ALG8: variants seen among roughly 807,000 people sequenced by gnomAD.
The protein encoded by ALG8 is dolichyl pyrophosphate Glc1Man9GlcNAc2 alpha-1,3-glucosyltransferase.
A neutral mutation model predicts 70.2 loss-of-function variants in ALG8; 48 were observed. That is an observed-to-expected ratio of 0.68 (90% CI 0.54 to 0.87). ALG8 has a LOEUF of 0.87. Among genes scored for constraint, ALG8 ranks in the 40% least tolerant of loss-of-function variants. The probability of loss-of-function intolerance (pLI) is 0.00; values close to 1 mark genes in which losing one functional copy is unlikely to be tolerated. For missense variants in ALG8, 572 were observed against 608.7 expected (o/e 0.94, Z 0.64); for synonymous variants, 234 against 229.0 (o/e 1.02, Z -0.20).
chr11:78,130,361 A>AAAAAAAAAAAAAAAAAAAAAAAG (rs928560857), intron 1 of ALG8, among the ~76,000 whole-genome samples: 29 of 132,694 alleles, frequency 2.2e-4, no homozygotes, highest in African/African-American at 8.2e-4. Context: ...AAAAAAAAAA[A>AAAAAAAAAAAAAAAAAAAAAAAG]AAAAAAGGTG....
intron 8 of ALG8, 145 bp downstream of exon 8, chr11:78,112,505 C>T (rs180724436): frequency 1.6e-6 from 2 of 1,219,918 alleles, no homozygotes; most frequent in Non-Finnish European, 1.2e-6. Flanking sequence ...AAGAACTGCT[C>T]CCCCTGTTCA....
intron 3 of ALG8, among the ~76,000 whole-genome samples, chr11:78,121,430 T>C (rs1860819155): frequency 6.6e-6 from 1 of 151,332 alleles, no homozygotes; most frequent in Non-Finnish European, 1.5e-5. Flanking sequence ...CTTTATTTCT[T>C]AAAAAGGTCA....
Position 78,109,585 on chromosome 11 carries a change from T to A in ALG8, c.899-4A>T. 6.2e-7 allele frequency: 1 copy of A among 1,612,500 alleles called. No individual in the cohort carries two copies. Among genetic ancestry groups the A allele is most frequent in the Non-Finnish European group, 8.5e-7 (1 of 1,178,486 alleles). On this transcript the variant is annotated splice_region_variant and splice_polypyrimidine_tract_variant and intron_variant, in intron 8 of 12. Transcript: ENST00000299626. ...TCAAGAAATTTCAATTTCAAACCTATTAAACAGATATTTTGTTTTGTTTTA... is the reference window on the plus strand; with the variant it reads ...TCAAGAAATTTCAATTTCAAACCTAATAAACAGATATTTTGTTTTGTTTTA...
At chr11:78,119,315 G>C in intron 4 of ALG8, 66 bp from the exon 5 acceptor site, 1 of 1,182,882 alleles carries the variant, frequency 8.5e-7, no homozygotes, top group Middle Eastern at 1.9e-4. Context: ...CCAGCTGATG[G>C]AGTATAGAAA....
chr11:78,105,628 A>T (rs1302406269), intron 10 of ALG8, among the ~76,000 whole-genome samples: 1 of 149,052 alleles, frequency 6.7e-6, no homozygotes, highest in Non-Finnish European at 1.5e-5. Flanking sequence ...ACATGGCAAG[A>T]CCCTGTCTCT....
intron 5 of ALG8, among the ~76,000 whole-genome samples, chr11:78,118,633 A>C (rs1003112066): frequency 8.0e-5 from 12 of 150,622 alleles, no homozygotes; most frequent in African/African-American, 9.8e-5. Flanking sequence ...AAAAAAAAAA[A>C]AAAACAAAAG....
chr11:78,128,137 T>C (rs1214358832), intron 1 of ALG8, among the ~76,000 whole-genome samples: 2 of 152,224 alleles, frequency 1.3e-5, no homozygotes, highest in African/African-American at 2.4e-5. Flanking sequence ...GAGGAGTTCA[T>C]CTGACAGAGA....
chr11:78,123,376 C>G (rs1459803623), intron 3 of ALG8, among the ~76,000 whole-genome samples: 1 of 136,812 alleles, frequency 7.3e-6, no homozygotes, highest in Non-Finnish European at 1.6e-5. Context: ...CTGACATTAA[C>G]TGAAACTTAG....
At chr11:78,138,646 A>G in intron 1 of ALG8, 1 of 449,160 alleles carries the variant, frequency 2.2e-6, no homozygotes, top group East Asian at 7.0e-5. Context: ...TGAGGGAGAA[A>G]AAGAAAAAAG....
In ALG8 at chr11:78,132,780, GA is replaced by G. The variant is rs200197182; in HGVS notation, c.96-5345del. On this transcript the variant is annotated intron_variant, in intron 1 of 12. Coordinates refer to ENST00000299626, the MANE Select transcript of ALG8 (RefSeq NM_024079.5). ...CAGAGACATTCTCTGACACCTAACT[GA>G]AAGTACATCTTCCTTCTTGGTCGCC... Among the ~76,000 whole-genome samples the G allele has an allele frequency of 4.4e-3, 666 of 150,894 alleles. 4 individuals are homozygous for G. Among genetic ancestry groups the G allele is most frequent in the African/African-American group, 0.016 (638 of 41,072 alleles).
At position 78,103,696 on chromosome 11, in the gene ALG8, T is replaced by C. The variant is rs577456596; in HGVS notation, c.1349+284A>G. On this transcript the variant is annotated intron_variant, in intron 12 of 12. Coordinates refer to ENST00000299626, the MANE Select transcript of ALG8 (RefSeq NM_024079.5). The stretch of plus-strand genomic sequence containing the variant: ...TTTTTCCATATCTATCTGTATTTAA[T>C]AGTTTTATTCATAAAGCATATTTTA... 3.3e-5 allele frequency among the ~76,000 whole-genome samples: 5 copies of C among 152,360 alleles called. No homozygotes were observed. In the South Asian group the frequency reaches 8.3e-4, roughly 25 times the overall value.
rs995234828 is a variant in ALG8 at position 78,139,186 on chromosome 11, C to T, written c.95+308G>A. 1.2e-5 allele frequency: 5 copies of T among 425,812 alleles called. No homozygotes were observed. In the East Asian group the frequency reaches 1.5e-4, roughly 13 times the overall value. The allele number at this position is 425,812 out of a possible 1,614,324, so 26.4% of individuals were successfully genotyped here. Reference sequence around the variant, plus strand: ...TTAGAACGGTACCTGGCACCTCAGGCATCTGATAATACTGGCTGAATGGCT... The same window carrying T: ...TTAGAACGGTACCTGGCACCTCAGGTATCTGATAATACTGGCTGAATGGCT... On this transcript the variant is annotated intron_variant, in intron 1 of 12. Transcript: ENST00000299626.
At position 78,124,158 on chromosome 11, in the gene ALG8, G is replaced by C. The variant is rs1458644202; in HGVS notation, c.231C>G (p.Ile77Met). The C allele has an allele frequency of 1.2e-6, 2 of 1,614,108 alleles. No homozygotes were observed. The highest frequency in any genetic ancestry group is 3.3e-5 in the Admixed American group (2 of 59,998). ...YPPFFAWFEY[I>M]LSHVAKYFDQ... ...CAAAATATTTGGCAACATGTGACAG[G>C]ATATACTCAAACCATGCAAAGAAAG... Residue 77 changes from isoleucine to methionine, a missense_variant, in exon 3 of 13, where the codon ATC (isoleucine) becomes ATG (methionine). Coordinates refer to ENST00000299626, the MANE Select transcript of ALG8 (RefSeq NM_024079.5).
At chr11:78,133,448 A>T (rs1861393663) in intron 1 of ALG8, 1 of 152,342 alleles carries the variant, frequency 6.6e-6, no homozygotes, top group South Asian at 2.1e-4. Context: ...ATAAATTTGC[A>T]TGCTATCCTT....
intron 5 of ALG8, among the ~76,000 whole-genome samples, chr11:78,118,407 G>A (rs1215087511): frequency 1.3e-5 from 2 of 151,984 alleles, no homozygotes; most frequent in Non-Finnish European, 2.9e-5. Flanking sequence ...CTTGAGGTCA[G>A]GAGTTTGAGA....
At chr11:78,131,080 A>G (rs1449149745) in intron 1 of ALG8, among the ~76,000 whole-genome samples, 1 of 151,694 alleles carries the variant, frequency 6.6e-6, no homozygotes, top group Non-Finnish European at 1.5e-5. Flanking sequence ...ATATAGTTGT[A>G]CTATATAGAC....
Position 78,127,712 on chromosome 11 carries a change from C to CTTTTT in ALG8, c.96-281_96-277dup, listed in dbSNP as rs1192507872. 0.14 allele frequency among the ~76,000 whole-genome samples: 18,886 copies of CTTTTT among 132,378 alleles called. 1,472 individuals are homozygous for CTTTTT. Among genetic ancestry groups the CTTTTT allele is most frequent in the East Asian group, 0.26 (1,208 of 4,616 alleles). The allele number at this position is 132,378 out of a possible 152,430, so 86.8% of individuals were successfully genotyped here. A position where few individuals can be genotyped will look rare whatever the true frequency, so the allele number is the denominator to read the frequency against. On this transcript the variant is annotated intron_variant, in intron 1 of 12. Coordinates refer to ENST00000299626, the MANE Select transcript of ALG8 (RefSeq NM_024079.5). Reference sequence around the variant, plus strand: ...AGCCCAGACTTTCTCTTTTTCTTTTCTTTTTTTTTTTTTTTGAGGCGGAGT... The same window carrying CTTTTT: ...AGCCCAGACTTTCTCTTTTTCTTTTCTTTTTTTTTTTTTTTTTTTTGAGGCGGAGT...
intron 5 of ALG8, among the ~76,000 whole-genome samples, chr11:78,116,813 C>T (rs958148461): frequency 9.2e-5 from 14 of 152,158 alleles, no homozygotes; most frequent in African/African-American, 3.4e-4. Flanking sequence ...GGGGAAACTG[C>T]CACAGGGACC....
rs1409713730 is a variant in ALG8, at chr11:78,121,148, T to G, written c.395A>C (p.Lys132Thr). 1.2e-6 allele frequency: 2 copies of G among 1,613,662 alleles called. No individual in the cohort carries two copies. The highest frequency in any genetic ancestry group is 3.3e-5 in the Admixed American group (2 of 59,990). Residue 132 changes from lysine to threonine, a missense_variant, in exon 4 of 13, where the codon AAA becomes ACA. Transcript: ENST00000299626. ...RECCKCIDGK[K>T]VGKELTEKPK... is the part of the protein sequence containing the mutation. ...CTTTTCTGTAAGTTCTTTACCCACT[T>G]TTTTTCCATCAATGCATTTACAGCA...
Sources: allele counts gnomAD v4.1 joint callset (sites outside exome capture counted in the v4.1 genomes callset), GRCh38; gene constraint gnomAD v4.1.1; transcripts MANE v1.5; gene names NCBI Gene and HGNC (gene_info 2026-07-23, HGNC 2026-07-21).